Variants in ARSJ observed in about 807,000 individuals in gnomAD.
The protein encoded by ARSJ is arylsulfatase J.
A neutral mutation model predicts 35.9 loss-of-function variants in ARSJ; 26 were observed. The observed-to-expected ratio is 0.72, with a 90% CI of 0.53 to 1.00. The LOEUF is 1.00. Ranked by LOEUF, ARSJ falls within the 50% of genes least tolerant of loss-of-function variation. ARSJ has a pLI of 0.00. For missense variants in ARSJ, 667 were observed against 723.6 expected (o/e 0.92, Z 0.90); for synonymous variants, 294 against 267.6 (o/e 1.10, Z -0.96).
At chr4:113,965,641 T>C (rs927385850) in intron 1 of ARSJ, among the ~76,000 whole-genome samples, 2 of 152,074 alleles carry the variant, frequency 1.3e-5, no homozygotes, top group Non-Finnish European at 2.9e-5. Flanking sequence ...TATTAGAGGG[T>C]AATGTACATA....
chr4:113,903,041 T>C lies in ARSJ; in HGVS notation c.1033A>G (p.Lys345Glu). 3 of 1,614,188 alleles carry C rather than the reference T, an allele frequency of 1.9e-6. No homozygotes were observed. Among genetic ancestry groups the C allele is most frequent in the Non-Finnish European group, 2.5e-6 (3 of 1,180,032 alleles). The change falls in exon 2 of 2, where the codon AAA becomes GAA. Residue 345 changes from lysine (K) to glutamate (E), a missense_variant. Transcript: ENST00000315366. The stretch of plus-strand genomic sequence containing the variant: ...ATCCCTCCTTCCCAATATGTTCCTT[T>C]GCTACCTCTGAGAGGCCAGTTACTC... ...GGSNWPLRGS[K>E]GTYWEGGIRA...
chr4:113,961,691 T>G (rs1234548040), intron 1 of ARSJ, among the ~76,000 whole-genome samples: 1 of 152,128 alleles, frequency 6.6e-6, no homozygotes, highest in African/African-American at 2.4e-5. Flanking sequence ...AAATGACCTA[T>G]TTTTAGCTAT....
chr4:113,915,009 C>A (rs75191794), intron 1 of ARSJ, among the ~76,000 whole-genome samples: 1 of 152,166 alleles, frequency 6.6e-6, no homozygotes, highest in Non-Finnish European at 1.5e-5. Flanking sequence ...TGAGTAAACA[C>A]TGCATTAATT....
rs1316695159 is a variant in ARSJ at position 113,901,453 on chromosome 4, T to G, written c.*821A>C. The G allele has an allele frequency of 7.3e-6, 1 of 136,106 alleles. No individual in the cohort carries two copies. The highest frequency in any genetic ancestry group is 2.1e-4 in the East Asian group (1 of 4,758). The allele number at this position is 136,106 out of a possible 1,614,324, so 8.4% of individuals were successfully genotyped here. On this transcript the variant is annotated 3_prime_UTR_variant, in exon 2 of 2. Coordinates refer to ENST00000315366, the MANE Select transcript of ARSJ (RefSeq NM_024590.4). Reference sequence around the variant, plus strand: ...TTGAAGAAATGAAATAAAATTATTCTAATGGTATGCAGGAAATAAAAATAA... The same window carrying G: ...TTGAAGAAATGAAATAAAATTATTCGAATGGTATGCAGGAAATAAAAATAA...
chr4:113,906,970 T>C (rs909208650), intron 1 of ARSJ, among the ~76,000 whole-genome samples: 1 of 152,234 alleles, frequency 6.6e-6, no homozygotes, highest in Non-Finnish European at 1.5e-5. Flanking sequence ...TTTTTTAAGT[T>C]CATTTTATAG....
chr4:113,953,006 A>G (rs1438664381), intron 1 of ARSJ, among the ~76,000 whole-genome samples: 1 of 152,108 alleles, frequency 6.6e-6, no homozygotes, highest in Non-Finnish European at 1.5e-5. Flanking sequence ...TGTCTACTAT[A>G]TATCTAGCAA....
chr4:113,901,684 C>CT lies in ARSJ; in HGVS notation c.*589_*590insA, dbSNP rs1280637677. ...GCAAGCTGTTCACATGTGAGAAAAA[C>CT]AGCTTTTCACAGGAAAAGAAACATA... On this transcript the variant is annotated 3_prime_UTR_variant, in exon 2 of 2. Transcript: ENST00000315366. 1 of 146,734 alleles carries CT rather than the reference C, an allele frequency of 6.8e-6. No homozygotes were observed. Among genetic ancestry groups the CT allele is most frequent in the Non-Finnish European group, 1.5e-5 (1 of 66,648 alleles). The allele number at this position is 146,734 out of a possible 1,614,324, so 9.1% of individuals were successfully genotyped here.
intron 1 of ARSJ, among the ~76,000 whole-genome samples, chr4:113,914,244 TTACA>T (rs1723138965): frequency 6.6e-6 from 1 of 152,148 alleles, no homozygotes; most frequent in Non-Finnish European, 1.5e-5. Flanking sequence ...AGTGCTGGGA[TTACA>T]TGTGTGAGCC....
Position 113,902,072 on chromosome 4 carries a change from T to C in ARSJ, c.*202A>G, listed in dbSNP as rs1322960824. 5 of 1,515,158 alleles carry C rather than the reference T, an allele frequency of 3.3e-6. No individual in the cohort carries two copies. The African/African-American group carries it at 6.9e-5, about 21-fold the overall frequency. The allele number at this position is 1,515,158 out of a possible 1,614,324, so 93.9% of individuals were successfully genotyped here. ...CATCTCCACTCTCTCTAAGTGTGGC[T>C]TGCAAGAGTAGCACCTTGGCACTGA... On this transcript the variant is annotated 3_prime_UTR_variant, in exon 2 of 2. Transcript: ENST00000315366.
chr4:113,938,738 C>T (rs1340255181), intron 1 of ARSJ, among the ~76,000 whole-genome samples: 2 of 151,434 alleles, frequency 1.3e-5, no homozygotes, highest in Admixed American at 1.3e-4. Flanking sequence ...AAAAAACTAC[C>T]CCATTAAAAA....
chr4:113,939,108 G>C (rs540908679), intron 1 of ARSJ, among the ~76,000 whole-genome samples: 114 of 135,818 alleles, frequency 8.4e-4, no homozygotes, highest in Middle Eastern at 3.7e-3. Context: ...TCCCCTGCCT[G>C]TGTCCATGTG....
At chr4:113,942,224 A>C (rs11729240) in intron 1 of ARSJ, among the ~76,000 whole-genome samples, 54,956 of 151,724 alleles carry the variant, frequency 0.36, 10,754 homozygotes, top group African/African-American at 0.51. Flanking sequence ...CCTTAATAGC[A>C]TCTAAATTTA....
Position 113,902,129 on chromosome 4 carries a change from G to A in ARSJ, c.*145C>T. 1 of 1,595,544 alleles carries A rather than the reference G, an allele frequency of 6.3e-7. No homozygotes were observed. On this transcript the variant is annotated 3_prime_UTR_variant, in exon 2 of 2. Transcript: ENST00000315366. ...CAGTTTTCAGTGTGGCGGCCAGGTG[G>A]CAGAAGTCTCTGGAGTGGCACAGCA...
Position 113,901,837 on chromosome 4 carries a change from A to C in ARSJ, c.*437T>G. On this transcript the variant is annotated 3_prime_UTR_variant, in exon 2 of 2. Transcript: ENST00000315366. ...ACAATCTTTGACTGTAATTTATCAAAGGTAGTTTTAATCATGCTACCCTGT... is the reference window on the plus strand; with the variant it reads ...ACAATCTTTGACTGTAATTTATCAACGGTAGTTTTAATCATGCTACCCTGT... 5.0e-6 allele frequency: 1 copy of C among 198,330 alleles called. No individual in the cohort carries two copies. Among genetic ancestry groups the C allele is most frequent in the South Asian group, 9.8e-5 (1 of 10,248 alleles). The allele number at this position is 198,330 out of a possible 1,614,324, so 12.3% of individuals were successfully genotyped here.
intron 1 of ARSJ, among the ~76,000 whole-genome samples, chr4:113,910,146 A>C (rs1455190989): frequency 6.6e-6 from 1 of 152,196 alleles, no homozygotes; most frequent in Non-Finnish European, 1.5e-5. Flanking sequence ...CAAATCTGTT[A>C]AAAGCAATCA....
At chr4:113,948,561 C>A (rs12108212) in intron 1 of ARSJ, among the ~76,000 whole-genome samples, 1 of 130,542 alleles carries the variant, frequency 7.7e-6, no homozygotes, top group Non-Finnish European at 1.7e-5. Context: ...TAGTTGCAAG[C>A]GTACTATATT....
At chr4:113,956,427 G>A (rs1005295793) in intron 1 of ARSJ, among the ~76,000 whole-genome samples, 1 of 151,926 alleles carries the variant, frequency 6.6e-6, no homozygotes, top group Non-Finnish European at 1.5e-5. Context: ...AAATCGGTGG[G>A]ACCACACATT....
chr4:113,946,569 C>CCATA (rs918216011), intron 1 of ARSJ, among the ~76,000 whole-genome samples: 1 of 140,768 alleles, frequency 7.1e-6, no homozygotes, highest in African/African-American at 2.7e-5. Flanking sequence ...TAAACACACA[C>CCATA]CATACACACA....
intron 1 of ARSJ, chr4:113,943,406 C>T (rs979282755): frequency 6.6e-6 from 1 of 152,050 alleles, no homozygotes; most frequent in Admixed American, 6.6e-5. Context: ...GATTCCCCAA[C>T]TGAGCAGAAT....
Sources: gnomAD v4.1 joint callset for allele counts (sites outside exome capture counted in the v4.1 genomes callset) on GRCh38, gnomAD v4.1.1 for gene constraint, MANE v1.5 for transcripts, NCBI Gene and HGNC (gene_info 2026-07-23, HGNC 2026-07-21) for gene names.